RPS6KA2: variants seen among roughly 807,000 people sequenced by gnomAD.
RPS6KA2 encodes ribosomal protein S6 kinase A2.
Under a neutral mutation model 91.8 loss-of-function variants are expected in RPS6KA2, and 42 were observed. The ratio of observed to expected loss-of-function variants is 0.46; its 90% CI spans 0.36 to 0.59. The LOEUF is 0.59. Among genes scored for constraint, RPS6KA2 ranks in the 20% least tolerant of loss-of-function variants. The pLI is 0.00. For missense variants in RPS6KA2, 798 were observed against 978.5 expected (o/e 0.82, Z 2.46); for synonymous variants, 414 against 393.6 (o/e 1.05, Z -0.61).
At chr6:166,708,267 C>A (rs539950721) in intron 2 of RPS6KA2, among the ~76,000 whole-genome samples, 2 of 151,922 alleles carry the variant, frequency 1.3e-5, no homozygotes, top group South Asian at 2.1e-4. Context: ...AGGATGAAAT[C>A]TTTTTTTTGC....
chr6:166,445,678 T>C lies in RPS6KA2; in HGVS notation c.1332+3046A>G, dbSNP rs777667107. Among the ~76,000 whole-genome samples the C allele has an allele frequency of 2.6e-5, 4 of 152,184 alleles. No individual in the cohort carries two copies. The highest frequency in any genetic ancestry group is 5.9e-5 in the Non-Finnish European group (4 of 68,020). Reference sequence around the variant, plus strand: ...GATTGCTGCATTTCTCTTTCTGTCATTACTCGGTGGGGACATTTCTGGGTC... The same window carrying C: ...GATTGCTGCATTTCTCTTTCTGTCACTACTCGGTGGGGACATTTCTGGGTC... On this transcript the variant is annotated intron_variant, in intron 14 of 20. Transcript: ENST00000265678. The surrounding 1 kb of genome is among the most constrained non-coding windows in gnomAD (Gnocchi z 4.5).
intron 2 of RPS6KA2, among the ~76,000 whole-genome samples, chr6:166,536,018 C>T (rs973786155): frequency 2.6e-5 from 4 of 152,360 alleles, no homozygotes; most frequent in African/African-American, 9.6e-5. Flanking sequence ...ACAAGTCACT[C>T]GGATGGCTCC....
intron 2 of RPS6KA2, among the ~76,000 whole-genome samples, chr6:166,762,112 C>A (rs1287162537): frequency 2.0e-5 from 3 of 152,098 alleles, no homozygotes; most frequent in Non-Finnish European, 4.4e-5. Context: ...CCACCTGGAC[C>A]AAGACAAGTG....
intron 2 of RPS6KA2, among the ~76,000 whole-genome samples, chr6:166,636,341 C>T (rs1787242338): frequency 6.6e-6 from 1 of 152,168 alleles, no homozygotes; most frequent in South Asian, 2.1e-4. Flanking sequence ...TCAGCGCCTC[C>T]CTGCAGAGGC....
intron 2 of RPS6KA2, among the ~76,000 whole-genome samples, chr6:166,777,939 GAT>G (rs1277558510): frequency 5.3e-5 from 8 of 151,974 alleles, no homozygotes; most frequent in African/African-American, 1.7e-4. Flanking sequence ...TTTATTGAAA[GAT>G]ATAAAAGAAG....
intron 2 of RPS6KA2, among the ~76,000 whole-genome samples, chr6:166,661,968 GA>G (rs1243010076): frequency 6.6e-6 from 1 of 152,154 alleles, no homozygotes; most frequent in East Asian, 1.9e-4. Flanking sequence ...ACATATTGAA[GA>G]ACTATTTCAG....
exon 1 of RPS6KA2, chr6:166,862,159 T>A (rs1211575583): frequency 1.9e-6 from 3 of 1,614,146 alleles, no homozygotes; most frequent in Non-Finnish European, 2.5e-6. Flanking sequence ...CCAGCAACTG[T>A]GCGATTGGCA....
At chr6:166,735,076 C>T (rs1790639033) in intron 2 of RPS6KA2, among the ~76,000 whole-genome samples, 1 of 152,170 alleles carries the variant, frequency 6.6e-6, no homozygotes, top group Non-Finnish European at 1.5e-5. Flanking sequence ...GATTAAGTTT[C>T]CATCAAACTT....
chr6:166,538,581 G>C (rs751804731), intron 2 of RPS6KA2, 87 bp downstream of exon 2: 1 of 742,968 alleles, frequency 1.3e-6, no homozygotes, highest in Non-Finnish European at 2.4e-6. Context: ...GGTGAGGACC[G>C]CCTGCAATTT....
chr6:166,682,488 C>T (rs1351647972), intron 2 of RPS6KA2, among the ~76,000 whole-genome samples: 1 of 152,140 alleles, frequency 6.6e-6, no homozygotes, highest in Non-Finnish European at 1.5e-5. Flanking sequence ...TGAGACAGCC[C>T]TGGGGAAAGG....
intron 10 of RPS6KA2, 92 bp downstream of exon 10, chr6:166,488,741 C>A: frequency 4.2e-6 from 4 of 952,070 alleles, no homozygotes; most frequent in Non-Finnish European, 4.9e-6. Context: ...GGCATTGGGC[C>A]GGAGCAGGAG....
chr6:166,419,828 C>T lies in RPS6KA2; in HGVS notation c.1820+54G>A. The T allele has an allele frequency of 6.5e-7, 1 of 1,529,036 alleles. No homozygotes were observed. The highest frequency in any genetic ancestry group is 9.1e-7 in the Non-Finnish European group (1 of 1,103,562). 94.7% of individuals were successfully genotyped at this position (1,529,036 alleles called of 1,614,324 possible). On this transcript the variant is annotated intron_variant, in intron 18 of 20. Coordinates refer to ENST00000265678, the MANE Select transcript of RPS6KA2 (RefSeq NM_021135.6). This position sits in a 1 kb window ranked among gnomAD's most constrained non-coding sequence, Gnocchi z 5.6. ...CCCTGGTCCCCTGACAGATCAGCCA[C>T]TGAGGCTGCTGCCCTGTGTCTCCTC...
intron 10 of RPS6KA2, among the ~76,000 whole-genome samples, chr6:166,471,884 A>G (rs1048126054): frequency 6.6e-6 from 1 of 152,202 alleles, no homozygotes; most frequent in African/African-American, 2.4e-5. Context: ...CTAAACCCTG[A>G]GCCCAGGGAT....
chr6:166,653,120 G>T (rs1562365813), intron 2 of RPS6KA2, among the ~76,000 whole-genome samples: 1 of 152,198 alleles, frequency 6.6e-6, no homozygotes, highest in Non-Finnish European at 1.5e-5. Context: ...GAGTGTAGTG[G>T]CATGATCTTG....
Position 166,716,049 on chromosome 6 carries a change from AAAAAAAAAAAAAGAAG to A in RPS6KA2, c.123+142135_123+142150del, listed in dbSNP as rs1562398400. Among the ~76,000 whole-genome samples, 58 of 90,704 alleles carry A rather than the reference AAAAAAAAAAAAAGAAG, an allele frequency of 6.4e-4. 1 individual carries two copies. Among genetic ancestry groups the A allele is most frequent in the African/African-American group, 2.8e-3 (58 of 20,862 alleles). The allele number at this position is 90,704 out of a possible 152,430, so 59.5% of individuals were successfully genotyped here. ...TGAGACTCCATCAAAAAAAAAAAAAAAAAAAAAAAAAAGAAGGAAAGAAAGAAAGAAAAGCTGTAAG... is the reference window on the plus strand; with the variant it reads ...TGAGACTCCATCAAAAAAAAAAAAAAGAAAGAAAGAAAGAAAAGCTGTAAG... On this transcript the variant is annotated intron_variant, in intron 2 of 21. Coordinates refer to the RPS6KA2 transcript ENST00000503859.
intron 1 of RPS6KA2, among the ~76,000 whole-genome samples, chr6:166,593,291 G>A (rs1785416998): frequency 6.6e-6 from 1 of 152,078 alleles, no homozygotes; most frequent in Admixed American, 6.5e-5. Context: ...AGAATAGAAT[G>A]AAATAGAAGA....
In RPS6KA2 at chr6:166,770,594, A is replaced by T. The variant is rs1184951172; in HGVS notation, c.123+87606T>A. Among the ~76,000 whole-genome samples, 1 of 152,254 alleles carries T rather than the reference A, an allele frequency of 6.6e-6. No homozygotes were observed. Among genetic ancestry groups the T allele is most frequent in the Non-Finnish European group, 1.5e-5 (1 of 68,042 alleles). On this transcript the variant is annotated intron_variant, in intron 2 of 21. Coordinates refer to the RPS6KA2 transcript ENST00000503859. The surrounding 1 kb of genome is among the most constrained non-coding windows in gnomAD (Gnocchi z 5.1). ...AACTCAAATCATAATGCATGGCAAG[A>T]TGACATCCTCAGTTTAGCACGCAAG...
intron 2 of RPS6KA2, among the ~76,000 whole-genome samples, chr6:166,751,384 G>C (rs1405620271): frequency 6.6e-6 from 1 of 152,402 alleles, no homozygotes; most frequent in East Asian, 1.9e-4. Context: ...GGCTTCCCCT[G>C]AGTTGGCCCT....
upstream of RPS6KA2, among the ~76,000 whole-genome samples, chr6:166,632,048 T>C (rs529056913): frequency 1.3e-5 from 2 of 152,328 alleles, no homozygotes; most frequent in African/African-American, 2.4e-5. Context: ...CTCCAGGACC[T>C]GTCTGCCTCA....
Sources: allele counts gnomAD v4.1 joint callset (sites outside exome capture counted in the v4.1 genomes callset), GRCh38; gene constraint gnomAD v4.1.1; non-coding constraint Gnocchi (gnomAD v3.1); transcripts MANE v1.5; gene names NCBI Gene and HGNC (gene_info 2026-07-23, HGNC 2026-07-21).